DQX1: variants seen among roughly 807,000 people sequenced by gnomAD.
DQX1 encodes DEAQ-box RNA dependent ATPase 1.
In DQX1, 66 loss-of-function variants were observed where a neutral mutation model predicts 81.3. The ratio of observed to expected loss-of-function variants is 0.81; its 90% CI spans 0.67 to 1.00. DQX1 has a LOEUF of 1.00. DQX1 is among the 50% of genes least tolerant of loss of function. The pLI is 0.00. For synonymous variants in DQX1, 290 were observed against 350.0 expected (o/e 0.83, Z 1.91); for missense variants, 798 against 867.9 (o/e 0.92, Z 1.01).
chr2:74,524,911 T>C, intron 3 of DQX1, 98 bp downstream of exon 3: 1 of 1,378,290 alleles, frequency 7.3e-7, no homozygotes, highest in Non-Finnish European at 9.9e-7. Context: ...AAAGAGTGAG[T>C]TGGGCTAAGG....
intron 8 of DQX1, among the ~76,000 whole-genome samples, chr2:74,521,558 G>A (rs1675022517): frequency 6.6e-6 from 1 of 151,746 alleles, no homozygotes; most frequent in Non-Finnish European, 1.5e-5. Flanking sequence ...GCTGAGGCAT[G>A]AGAATTGCTT....
intron 9 of DQX1, 46 bp from the exon 10 acceptor site, chr2:74,519,792 T>C: frequency 1.2e-6 from 2 of 1,608,766 alleles, no homozygotes; most frequent in East Asian, 2.2e-5. Context: ...TTGAGACCCC[T>C]GAAATAACCC....
chr2:74,523,494 G>T lies in DQX1; in HGVS notation c.860C>A (p.Ser287Tyr), dbSNP rs765998279. The T allele has an allele frequency of 6.2e-7, 1 of 1,613,264 alleles. No homozygotes were observed. The highest frequency in any genetic ancestry group is 2.2e-5 in the East Asian group (1 of 44,862). ...CCESLSREVE[S>Y]LLLQGLPPRV... Reference sequence around the variant, plus strand: ...TGGTGGAAGCCCTTGGAGAAGCAAGGACTCTACCTCCCTGGACAAGGATTC... The same window carrying T: ...TGGTGGAAGCCCTTGGAGAAGCAAGTACTCTACCTCCCTGGACAAGGATTC... The change falls in exon 5 of 12, where the codon TCC becomes TAC. Residue 287 changes from serine to tyrosine, a missense_variant. Physicochemically the swap from Ser to Tyr is moderately radical, Grantham distance 144. Transcript: ENST00000404568.
intron 11 of DQX1, among the ~76,000 whole-genome samples, 166 bp downstream of exon 11, chr2:74,518,874 A>C (rs997494892): frequency 6.6e-6 from 1 of 152,198 alleles, no homozygotes; most frequent in Non-Finnish European, 1.5e-5. Context: ...TTCTCTTATA[A>C]TGCAGACTTT....
intron 8 of DQX1, among the ~76,000 whole-genome samples, chr2:74,521,743 C>G (rs979085114): frequency 2.0e-5 from 3 of 148,764 alleles, no homozygotes; most frequent in African/African-American, 5.0e-5. Flanking sequence ...CCCTCTCTCC[C>G]CCTCTCCCCC....
Position 74,523,305 on chromosome 2 carries a change from C to T in DQX1, c.1044+5G>A, listed in dbSNP as rs371651616. On this transcript the variant is annotated splice_donor_5th_base_variant and intron_variant, in intron 5 of 11. Coordinates refer to ENST00000404568, the MANE Select transcript of DQX1 (RefSeq NM_133637.3). ...ACCCCACCGCTATCTCTCTCTCTCA[C>T]TCACACTTCGGAGCTCCAGTCCTGA... The T allele has an allele frequency of 2.5e-6, 4 of 1,614,212 alleles. No homozygotes were observed. The highest frequency in any genetic ancestry group is 3.4e-6 in the Non-Finnish European group (4 of 1,180,042).
At chr2:74,521,249 ACT>A (rs1675014963) in intron 8 of DQX1, among the ~76,000 whole-genome samples, 2 of 152,100 alleles carry the variant, frequency 1.3e-5, no homozygotes, top group Admixed American at 6.5e-5. Context: ...TGAATCTAAG[ACT>A]CTAGAGAGAG....
Position 74,525,603 on chromosome 2 carries a change from G to A in DQX1, c.127C>T (p.Gln43Ter), listed in dbSNP as rs1675155728. 1 of 1,551,830 alleles carries A rather than the reference G, an allele frequency of 6.4e-7. No homozygotes were observed. ...CGAGCAGCCCAGATGGGCAAGGCTT[G>A]GCGCTGCTTCAGCAGCTCATAGTAG... ...SRYYELLKQR[Q>*]ALPIWAARFT... Residue 43 changes from glutamine (Q) to a stop codon, truncating the protein, a stop_gained, in exon 2 of 12, where the codon CAA becomes TAA. Coordinates refer to ENST00000404568, the MANE Select transcript of DQX1 (RefSeq NM_133637.3). LOFTEE classifies it high-confidence loss of function. The surrounding 1 kb of genome is among the most constrained non-coding windows in gnomAD (Gnocchi z 4.1).
Position 74,522,756 on chromosome 2 carries a change from A to G in DQX1, c.1319T>C (p.Met440Thr). Residue 440 changes from methionine to threonine, a missense_variant, in exon 8 of 12, where the codon ATG becomes ACG. Physicochemically the swap from Met to Thr is moderately conservative, Grantham distance 81 (BLOSUM62 -1). Coordinates refer to ENST00000404568, the MANE Select transcript of DQX1 (RefSeq NM_133637.3). ...ATAGTCTAAATCTTCCAGGGCTTGC[A>G]TCAGTGCTTCTGGAGCTGGTGAGGA... ...FLDQPAPEAL[M>T]QALEDLDYLA... The G allele has an allele frequency of 6.2e-7, 1 of 1,614,172 alleles. No individual in the cohort carries two copies.
Position 74,524,319 on chromosome 2 carries a change from G to A in DQX1, c.432-12C>T, listed in dbSNP as rs1365749306. 1 of 1,604,368 alleles carries A rather than the reference G, an allele frequency of 6.2e-7. No individual in the cohort carries two copies. Among genetic ancestry groups the A allele is most frequent in the Non-Finnish European group, 8.5e-7 (1 of 1,176,406 alleles). ...TGTCCCAGCAGAACCTGTTGACATT[G>A]GTAGTGGGCAGAGGAATCAGTGTGG... is the stretch of plus-strand genomic sequence containing the variant. On this transcript the variant is annotated splice_polypyrimidine_tract_variant and intron_variant, in intron 3 of 11. Transcript: ENST00000404568.
At chr2:74,518,726 A>G in intron 11 of DQX1, 124 bp from the exon 12 acceptor site, 1 of 923,778 alleles carries the variant, frequency 1.1e-6, no homozygotes, top group South Asian at 1.7e-5. Flanking sequence ...AACTCACTGT[A>G]GCCTTAGACT....
intron 11 of DQX1, 48 bp from the exon 12 acceptor site, chr2:74,518,650 G>A: frequency 1.0e-5 from 16 of 1,579,430 alleles, no homozygotes; most frequent in Non-Finnish European, 1.4e-5. Context: ...CTCTCTCTCT[G>A]TCTCTCTCTT....
chr2:74,520,297 G>C (rs967416837), intron 8 of DQX1, among the ~76,000 whole-genome samples: 1 of 152,232 alleles, frequency 6.6e-6, no homozygotes, highest in Non-Finnish European at 1.5e-5. Context: ...TTTGTATATG[G>C]TACTGTGGAA....
rs1183521400 is a variant in DQX1, at chr2:74,519,687, C to T, written c.1675G>A (p.Ala559Thr). The T allele has an allele frequency of 6.2e-7, 1 of 1,614,220 alleles. No homozygotes were observed. Among genetic ancestry groups the T allele is most frequent in the Admixed American group, 1.7e-5 (1 of 60,022 alleles). ...AGGAGTTCTCCCCGAAGTTTATGGG[C>T]TTGGCACAATGCTGCCCAATTCAGA... is the stretch of plus-strand genomic sequence containing the variant. ...RGLNWAALCQ[A>T]HKLRGELLEL... The change falls in exon 10 of 12, where the codon GCC (alanine) becomes ACC (threonine). Residue 559 changes from alanine to threonine, a missense_variant. Coordinates refer to ENST00000404568, the MANE Select transcript of DQX1 (RefSeq NM_133637.3).
chr2:74,518,953 C>G (rs6709863), intron 11 of DQX1, 87 bp downstream of exon 11: 3 of 1,311,052 alleles, frequency 2.3e-6, no homozygotes, highest in Non-Finnish European at 2.1e-6. Flanking sequence ...CACTAAGATC[C>G]CTTCCTCTGT....
chr2:74,525,471 GC>G lies in DQX1; in HGVS notation c.237+21del, dbSNP rs1197277723. On this transcript the variant is annotated intron_variant, in intron 2 of 11. Transcript: ENST00000404568. The surrounding 1 kb of genome is among the most constrained non-coding windows in gnomAD (Gnocchi z 4.1). ...CTTTGTCCACTCCCAGAATCTGCCT[GC>G]CCCCACAACCCCCACCACACCTGGG... 3 of 1,548,404 alleles carry G rather than the reference GC, an allele frequency of 1.9e-6. No homozygotes were observed. Among genetic ancestry groups the G allele is most frequent in the Non-Finnish European group, 2.6e-6 (3 of 1,144,772 alleles).
At position 74,525,875 on chromosome 2, in the gene DQX1, C is replaced by T. The variant is rs558296826; in HGVS notation, c.-19-127G>A. 4.5e-6 allele frequency: 3 copies of T among 672,160 alleles called. No individual in the cohort carries two copies. Among genetic ancestry groups the T allele is most frequent in the African/African-American group, 3.6e-5 (2 of 55,310 alleles). The allele number at this position is 672,160 out of a possible 1,614,324, so 41.6% of individuals were successfully genotyped here. ...TGGGGCCCACCCTTCCCAGCATTTC[C>T]TGCCAGGAAACAGTGCTAGGTATTT... is the stretch of plus-strand genomic sequence containing the variant. On this transcript the variant is annotated intron_variant, in intron 1 of 11. Transcript: ENST00000404568. This position sits in a 1 kb window ranked among gnomAD's most constrained non-coding sequence, Gnocchi z 4.1.
Position 74,525,276 on chromosome 2 carries a change from G to T in DQX1, c.238-74C>A, listed in dbSNP as rs1295773907. On this transcript the variant is annotated intron_variant, in intron 2 of 11. Coordinates refer to ENST00000404568, the MANE Select transcript of DQX1 (RefSeq NM_133637.3). This position sits in a 1 kb window ranked among gnomAD's most constrained non-coding sequence, Gnocchi z 4.1. ...CAGTCAGAAGTGCTCAGGGAACTAT[G>T]GCCACTTTAATCTTTCCTTATTTGG... 2 of 1,424,236 alleles carry T rather than the reference G, an allele frequency of 1.4e-6. No individual in the cohort carries two copies. Among genetic ancestry groups the T allele is most frequent in the African/African-American group, 2.9e-5 (2 of 69,270 alleles). The allele number at this position is 1,424,236 out of a possible 1,614,324, so 88.2% of individuals were successfully genotyped here. A position where few individuals can be genotyped will look rare whatever the true frequency, so the allele number is the denominator to read the frequency against.
intron 8 of DQX1, among the ~76,000 whole-genome samples, chr2:74,520,571 G>T (rs952925851): frequency 6.6e-6 from 1 of 152,142 alleles, no homozygotes; most frequent in Non-Finnish European, 1.5e-5. Context: ...AAGCTGGAGA[G>T]GTAGGTATAG....
Sources: allele counts gnomAD v4.1 joint callset (sites outside exome capture counted in the v4.1 genomes callset), GRCh38; gene constraint gnomAD v4.1.1; non-coding constraint Gnocchi (gnomAD v3.1); transcripts MANE v1.5; gene names NCBI Gene and HGNC (gene_info 2026-07-23, HGNC 2026-07-21).